BIRC6: variants seen among roughly 807,000 people sequenced by gnomAD.
BIRC6 encodes dual E2 ubiquitin-conjugating enzyme/E3 ubiquitin-protein ligase BIRC6.
Under a neutral mutation model 503.3 loss-of-function variants are expected in BIRC6, and 98 were observed. That is an observed-to-expected ratio of 0.19 (90% confidence interval 0.17 to 0.23). The LOEUF is 0.23. Ranked by LOEUF, BIRC6 falls within the 10% of genes least tolerant of loss-of-function variation. BIRC6 has a pLI of 1.00. For synonymous variants in BIRC6, 2,240 were observed against 2,078.7 expected (o/e 1.08, Z -2.11); for missense variants, 5,360 against 5,806.0 (o/e 0.92, Z 2.50).
chr2:32,616,797 C>T (rs564976623), intron 73 of BIRC6, among the ~76,000 whole-genome samples: 10 of 152,012 alleles, frequency 6.6e-5, no homozygotes, highest in South Asian at 2.1e-4. Context: ...CAAGGGATTA[C>T]GGTGTTTAAT....
intron 9 of BIRC6, among the ~76,000 whole-genome samples, 159 bp downstream of exon 9, chr2:32,406,716 T>C (rs1224724612): frequency 2.0e-5 from 3 of 152,222 alleles, no homozygotes; most frequent in Non-Finnish European, 2.9e-5. Flanking sequence ...AGATCTCAAA[T>C]TAGTAGTATG....
intron 59 of BIRC6, chr2:32,528,729 T>G (rs1276704375): frequency 6.6e-6 from 1 of 152,202 alleles, no homozygotes; most frequent in Non-Finnish European, 1.5e-5. Context: ...CTTGTTGACA[T>G]GGGTGGCTGA....
chr2:32,576,306 T>C (rs1305766741), intron 66 of BIRC6, among the ~76,000 whole-genome samples: 1 of 152,234 alleles, frequency 6.6e-6, no homozygotes, highest in Non-Finnish European at 1.5e-5. Flanking sequence ...TATTTTTAGT[T>C]TGTTTACACC....
intron 45 of BIRC6, among the ~76,000 whole-genome samples, chr2:32,495,677 A>C (rs1300332577): frequency 6.6e-6 from 1 of 151,946 alleles, no homozygotes; most frequent in Non-Finnish European, 1.5e-5. Flanking sequence ...CCTCACACAA[A>C]GTCTTAAATA....
chr2:32,503,702 A>T (rs1343498123), intron 49 of BIRC6, among the ~76,000 whole-genome samples: 1 of 151,990 alleles, frequency 6.6e-6, no homozygotes, highest in East Asian at 1.9e-4. Flanking sequence ...GATTACAGGC[A>T]TGAGCCACCA....
At chr2:32,601,025 TA>T (rs2062019571) in intron 70 of BIRC6, among the ~76,000 whole-genome samples, 1 of 152,190 alleles carries the variant, frequency 6.6e-6, no homozygotes, top group Non-Finnish European at 1.5e-5. Flanking sequence ...AAAAATCTCA[TA>T]ATATTTTTAA....
At chr2:32,468,206 GT>G in intron 28 of BIRC6, 95 bp downstream of exon 28, 2 of 1,286,586 alleles carry the variant, frequency 1.6e-6, no homozygotes, top group Non-Finnish European at 2.2e-6. Context: ...TTTCATAGGT[GT>G]ACAGATAAGA....
At chr2:32,369,890 A>G (rs1375180241) in intron 1 of BIRC6, among the ~76,000 whole-genome samples, 1 of 136,662 alleles carries the variant, frequency 7.3e-6, no homozygotes, top group Non-Finnish European at 1.5e-5. Flanking sequence ...CAGGAGTTCC[A>G]GGTTAGCCTG....
In BIRC6 at chr2:32,477,413, C is replaced by T. The variant is rs547201437; in HGVS notation, c.6898C>T (p.Arg2300Cys). 5.0e-6 allele frequency: 8 copies of T among 1,613,856 alleles called. No individual in the cohort carries two copies. Among genetic ancestry groups the T allele is most frequent in the Admixed American group, 1.7e-5 (1 of 60,002 alleles). ...TTTACGTCGGACAGCAGAATGGTCC[C>T]GTTCTAATTTAGACACAGAAGTTAC... ...IRLRRTAEWS[R>C]SNLDTEVTTA... The change falls in exon 35 of 74, where the codon CGT (arginine) becomes TGT (cysteine). Residue 2300 changes from arginine to cysteine, a missense_variant. Physicochemically the swap from Arg to Cys is radical, Grantham distance 180. Transcript: ENST00000421745.
intron 61 of BIRC6, among the ~76,000 whole-genome samples, chr2:32,537,394 G>T (rs2057321693): frequency 6.6e-6 from 1 of 152,146 alleles, no homozygotes; most frequent in Non-Finnish European, 1.5e-5. Context: ...TAAAAGAAGA[G>T]AAATAATAAC....
intron 23 of BIRC6, among the ~76,000 whole-genome samples, chr2:32,462,454 A>G (rs981670664): frequency 2.6e-5 from 4 of 152,240 alleles, no homozygotes; most frequent in African/African-American, 7.2e-5. Flanking sequence ...GATAATGTTC[A>G]TGGGTAAGAA....
chr2:32,529,557 C>T, intron 59 of BIRC6, 94 bp from the exon 60 acceptor site: 1 of 1,177,910 alleles, frequency 8.5e-7, no homozygotes, highest in Non-Finnish European at 1.1e-6. Context: ...CAGAATCAAA[C>T]TCTTGCCTGT....
chr2:32,586,591 G>C (rs988737087), intron 66 of BIRC6, among the ~76,000 whole-genome samples: 1 of 151,592 alleles, frequency 6.6e-6, no homozygotes, highest in Non-Finnish European at 1.5e-5. Context: ...GCGAATTTTT[G>C]TGTTTATAGT....
At chr2:32,584,215 T>C (rs1422016574) in intron 66 of BIRC6, among the ~76,000 whole-genome samples, 1 of 152,104 alleles carries the variant, frequency 6.6e-6, no homozygotes, top group East Asian at 1.9e-4. Flanking sequence ...CTCTCTTCTT[T>C]AAAATAATAT....
At chr2:32,490,295 C>T in intron 43 of BIRC6, 144 bp downstream of exon 43, 1 of 669,120 alleles carries the variant, frequency 1.5e-6, no homozygotes, top group South Asian at 2.1e-5. Context: ...CGCCTGTAAA[C>T]CCAGCACTTT....
intron 19 of BIRC6, 142 bp downstream of exon 19, chr2:32,442,597 ATAATCT>A (rs2045545125): frequency 9.2e-7 from 1 of 1,084,742 alleles, no homozygotes; most frequent in Admixed American, 3.5e-5. Context: ...AAGATTGTTG[ATAATCT>A]TAGCAAGAAT....
chr2:32,450,849 A>G (rs1248931991), intron 22 of BIRC6, among the ~76,000 whole-genome samples: 1 of 152,326 alleles, frequency 6.6e-6, no homozygotes, highest in East Asian at 1.9e-4. Flanking sequence ...TACGATGTTA[A>G]TGCTACATGA....
intron 70 of BIRC6, 38 bp downstream of exon 70, chr2:32,599,938 A>T: frequency 6.3e-7 from 1 of 1,583,758 alleles, no homozygotes; most frequent in Non-Finnish European, 8.6e-7. Flanking sequence ...AATGCCAATG[A>T]TTGTATACAA....
chr2:32,606,682 A>G (rs1225565789), intron 71 of BIRC6, among the ~76,000 whole-genome samples: 2 of 152,136 alleles, frequency 1.3e-5, no homozygotes, highest in Non-Finnish European at 2.9e-5. Context: ...GGTCTCAGGC[A>G]TAGTTTTTTT....
Sources: allele counts gnomAD v4.1 joint callset (sites outside exome capture counted in the v4.1 genomes callset), GRCh38; gene constraint gnomAD v4.1.1; transcripts MANE v1.5; gene names NCBI Gene and HGNC (gene_info 2026-07-23, HGNC 2026-07-21).